The following CCSER1 variants were observed in gnomAD, a reference collection of about 807,000 sequenced individuals.
The protein encoded by CCSER1 is coiled-coil serine rich protein 1.
In CCSER1, 41 loss-of-function variants were observed where a neutral mutation model predicts 82.0. The ratio of observed to expected loss-of-function variants is 0.50; its 90% confidence interval spans 0.39 to 0.65. The LOEUF is 0.65. Among genes scored for constraint, CCSER1 ranks in the 30% least tolerant of loss-of-function variants. The probability of loss-of-function intolerance (pLI) is 0.00; values close to 1 mark genes in which losing one functional copy is unlikely to be tolerated. For missense variants in CCSER1, 1,119 were observed against 1,064.2 expected, an observed-to-expected ratio of 1.05 and a Z score of -0.72; for synonymous variants, 414 against 383.9, an observed-to-expected ratio of 1.08 and a Z score of -0.92.
At chr4:91,253,116 A>G (rs558800298) in intron 10 of CCSER1, among the ~76,000 whole-genome samples, 135 of 152,092 alleles carry the variant, frequency 8.9e-4, no homozygotes, top group Middle Eastern at 3.4e-3. Context: ...TACCTCTGCC[A>G]CTTCTGAGAC....
intron 10 of CCSER1, among the ~76,000 whole-genome samples, chr4:91,098,510 C>T (rs551700121): frequency 4.5e-4 from 69 of 152,072 alleles, no homozygotes; most frequent in African/African-American, 1.7e-3. Flanking sequence ...AGCAAAGTCA[C>T]TCTTTTCTCT....
chr4:90,938,469 A>C (rs903833696), intron 9 of CCSER1, among the ~76,000 whole-genome samples: 1 of 152,040 alleles, frequency 6.6e-6, no homozygotes, highest in Non-Finnish European at 1.5e-5. Flanking sequence ...AGCATGTTTA[A>C]TTGGAAGTTG....
chr4:91,141,941 C>A (rs891237621), intron 10 of CCSER1, among the ~76,000 whole-genome samples: 1 of 152,208 alleles, frequency 6.6e-6, no homozygotes. Flanking sequence ...CTGTTCATAT[C>A]TTTTAATGAT....
intron 5 of CCSER1, among the ~76,000 whole-genome samples, chr4:90,597,897 C>G (rs1043605810): frequency 6.6e-6 from 1 of 152,028 alleles, no homozygotes; most frequent in Non-Finnish European, 1.5e-5. Context: ...CAATATTATT[C>G]TTTCTGTGTC....
chr4:90,559,127 C>T (rs925190011), intron 5 of CCSER1, among the ~76,000 whole-genome samples: 1 of 152,158 alleles, frequency 6.6e-6, no homozygotes, highest in African/African-American at 2.4e-5. Flanking sequence ...GTATAAATGC[C>T]ACTATCTGAT....
intron 10 of CCSER1, among the ~76,000 whole-genome samples, chr4:91,103,735 A>C (rs1725320540): frequency 1.3e-5 from 2 of 152,206 alleles, no homozygotes; most frequent in African/African-American, 4.8e-5. Context: ...TAACTGTACA[A>C]ATTGATTGTA....
At chr4:91,504,595 ATAAT>A (rs1183724110) in intron 10 of CCSER1, among the ~76,000 whole-genome samples, 2 of 148,058 alleles carry the variant, frequency 1.4e-5, no homozygotes, top group Non-Finnish European at 3.0e-5. Context: ...ATACTAGATA[ATAAT>A]TTTATTGTAC....
At chr4:90,591,568 A>C (rs1443161348) in intron 5 of CCSER1, among the ~76,000 whole-genome samples, 1 of 152,158 alleles carries the variant, frequency 6.6e-6, no homozygotes, top group Non-Finnish European at 1.5e-5. Context: ...AAATAGAAGC[A>C]CTTTTACTCT....
intron 10 of CCSER1, among the ~76,000 whole-genome samples, chr4:91,446,672 A>ATATATATATATATATATATAT (rs1553938715): frequency 2.8e-5 from 2 of 72,544 alleles, no homozygotes; most frequent in Non-Finnish European, 2.5e-5. Flanking sequence ...ATTTTAAATA[A>ATATATATATATATATATATAT]ATAAATATAT....
At chr4:90,867,263 C>A (rs1765860059) in intron 8 of CCSER1, among the ~76,000 whole-genome samples, 2 of 151,990 alleles carry the variant, frequency 1.3e-5, no homozygotes, top group African/African-American at 4.8e-5. Context: ...AGGCACAGTA[C>A]ACTCTTAAAA....
intron 5 of CCSER1, among the ~76,000 whole-genome samples, chr4:90,624,528 A>G (rs113971425): frequency 0.012 from 1,867 of 152,322 alleles, 38 homozygotes; most frequent in African/African-American, 0.043. Flanking sequence ...CGAGAGAATT[A>G]CAGCAGAACT....
intron 8 of CCSER1, among the ~76,000 whole-genome samples, chr4:90,836,129 A>G (rs1296064314): frequency 6.6e-6 from 1 of 152,154 alleles, no homozygotes; most frequent in African/African-American, 2.4e-5. Flanking sequence ...ACTGTTGGAT[A>G]AAAAATTCTT....
At chr4:91,093,061 T>C (rs955597952) in intron 10 of CCSER1, among the ~76,000 whole-genome samples, 1 of 152,206 alleles carries the variant, frequency 6.6e-6, no homozygotes, top group Non-Finnish European at 1.5e-5. Flanking sequence ...GAAAGGCATA[T>C]CAAGAGTCAG....
At chr4:90,430,332 A>G (rs1389018948) in intron 4 of CCSER1, among the ~76,000 whole-genome samples, 2 of 151,934 alleles carry the variant, frequency 1.3e-5, no homozygotes, top group East Asian at 1.9e-4. Context: ...ATGTAAAAAG[A>G]GGGCAAAACT....
At chr4:90,555,409 T>C (rs1778010836) in intron 5 of CCSER1, among the ~76,000 whole-genome samples, 1 of 152,098 alleles carries the variant, frequency 6.6e-6, no homozygotes, top group Non-Finnish European at 1.5e-5. Context: ...TTTGAGAATA[T>C]CTAAATATAA....
intron 8 of CCSER1, among the ~76,000 whole-genome samples, chr4:90,915,426 T>C (rs545725212): frequency 2.6e-5 from 4 of 152,114 alleles, no homozygotes; most frequent in Admixed American, 6.5e-5. Context: ...CATGATTATC[T>C]CAATAGATGC....
At chr4:91,060,988 C>A (rs930199559) in intron 9 of CCSER1, among the ~76,000 whole-genome samples, 2 of 151,956 alleles carry the variant, frequency 1.3e-5, no homozygotes, top group African/African-American at 4.8e-5. Flanking sequence ...TTTCTGAATT[C>A]TTCTACACAA....
At chr4:91,585,937 C>T (rs929924819) in intron 10 of CCSER1, among the ~76,000 whole-genome samples, 3 of 151,602 alleles carry the variant, frequency 2.0e-5, no homozygotes, top group African/African-American at 7.3e-5. Context: ...ATTAAATTTG[C>T]ATTAAAAAAT....
rs1395701925 is a variant in CCSER1, at chr4:90,308,987, A to G, written c.703A>G (p.Thr235Ala). 9 of 1,613,838 alleles carry G rather than the reference A, an allele frequency of 5.6e-6. No individual in the cohort carries two copies. The highest frequency in any genetic ancestry group is 7.6e-6 in the Non-Finnish European group (9 of 1,179,862). ...RASPSCSVDV[T>A]ERAGSSLQSP... ...TTCGCCATCCTGTTCTGTGGATGTA[A>G]CAGAACGGGCAGGAAGCTCTTTACA... The change falls in exon 2 of 11, where the codon ACA becomes GCA. Residue 235 changes from threonine to alanine, a missense_variant. Thr to Ala is a moderately conservative substitution (Grantham distance 58, BLOSUM62 0). Coordinates refer to ENST00000509176, the MANE Select transcript of CCSER1 (RefSeq NM_001145065.2).
Sources: allele counts gnomAD v4.1 joint callset (sites outside exome capture counted in the v4.1 genomes callset), GRCh38; gene constraint gnomAD v4.1.1; transcripts MANE v1.5; gene names NCBI Gene and HGNC (gene_info 2026-07-23, HGNC 2026-07-21).